Variants in EPG5 observed in about 807,000 individuals in gnomAD.
EPG5 encodes ectopic P-granules 5 autophagy tethering factor, also known as ectopic P granules protein 5 homolog.
In EPG5, 159 loss-of-function variants were observed where a neutral mutation model predicts 302.7. The observed-to-expected ratio is 0.53, with a 90% CI of 0.46 to 0.60. EPG5 has a LOEUF of 0.60. EPG5 is among the 20% of genes least tolerant of loss of function. The probability of loss-of-function intolerance (pLI) is 0.00; values close to 1 mark genes in which losing one functional copy is unlikely to be tolerated. For synonymous variants in EPG5, 1,158 were observed against 1,136.8 expected (o/e 1.02, Z -0.37); for missense variants, 2,896 against 3,092.4 (o/e 0.94, Z 1.51).
chr18:45,934,425 T>TA (rs970764328), intron 11 of EPG5, among the ~76,000 whole-genome samples: 5 of 152,124 alleles, frequency 3.3e-5, no homozygotes, highest in East Asian at 3.8e-4. Context: ...AATACAACTT[T>TA]AAAAAAACAG....
chr18:45,813,673 C>A, the EPG5 span, among the ~76,000 whole-genome samples: 7 of 151,526 alleles, frequency 4.6e-5, no homozygotes, highest in African/African-American at 9.7e-5. Context: ...GGACAAAAAA[C>A]CAAACACTGC....
At chr18:45,962,148 G>A (rs1243556437) in intron 1 of EPG5, among the ~76,000 whole-genome samples, 2 of 152,122 alleles carry the variant, frequency 1.3e-5, no homozygotes, top group Non-Finnish European at 2.9e-5. Context: ...TTTAATAAAT[G>A]AATGGCTTTT....
rs2048420965 is a variant in EPG5, at chr18:45,851,423, A to G, written c.*1044T>C. ...TGTCAACAACAGAAGGCACGTGGCT[A>G]TGGAAAAAAAGCCAAATTTCAGTAG... On this transcript the variant is annotated 3_prime_UTR_variant, in exon 44 of 44. Transcript: ENST00000282041. 6.6e-6 allele frequency: 1 copy of G among 152,328 alleles called. No homozygotes were observed. Among genetic ancestry groups the G allele is most frequent in the East Asian group, 1.9e-4 (1 of 5,186 alleles). 9.4% of individuals were successfully genotyped at this position (152,328 alleles called of 1,614,324 possible). A position where few individuals can be genotyped will look rare whatever the true frequency, so the allele number is the denominator to read the frequency against.
chr18:45,853,465 G>C (rs1205411254), intron 43 of EPG5, among the ~76,000 whole-genome samples: 2 of 152,152 alleles, frequency 1.3e-5, no homozygotes, highest in Non-Finnish European at 2.9e-5. Context: ...TTGATTTTTG[G>C]GGTGAGGAGT....
chr18:45,953,737 T>C, intron 2 of EPG5: 1 of 985,354 alleles, frequency 1.0e-6, no homozygotes, highest in Non-Finnish European at 1.2e-6. Flanking sequence ...GTTAAGAAGG[T>C]GAGTTTCACT....
intron 13 of EPG5, among the ~76,000 whole-genome samples, chr18:45,926,816 G>A (rs202207893): frequency 2.2e-4 from 31 of 142,566 alleles, no homozygotes; most frequent in South Asian, 1.1e-3. Context: ...TGTCTTGGGA[G>A]AAAAAAAAAA....
chr18:45,952,433 G>C lies in EPG5; in HGVS notation c.1219C>G (p.Leu407Val), dbSNP rs745750669. 6.2e-7 allele frequency: 1 copy of C among 1,614,120 alleles called. No individual in the cohort carries two copies. The highest frequency in any genetic ancestry group is 8.5e-7 in the Non-Finnish European group (1 of 1,180,030). Residue 407 changes from leucine to valine, a missense_variant, in exon 3 of 44, where the codon CTG (leucine) becomes GTG (valine). Transcript: ENST00000282041. Reference sequence around the variant, plus strand: ...TGCTGGTGAATTGCTGAAGATCTCAGAACAGCTGAACTACTGAGCAATGCA... The same window carrying C: ...TGCTGGTGAATTGCTGAAGATCTCACAACAGCTGAACTACTGAGCAATGCA... Reference protein sequence around the residue: ...IYALLSSSAVLRSSAIHQQGR... With the variant: ...IYALLSSSAVVRSSAIHQQGR...
chr18:45,966,351 G>C (rs2051259579), intron 1 of EPG5, among the ~76,000 whole-genome samples: 1 of 148,588 alleles, frequency 6.7e-6, no homozygotes, highest in African/African-American at 2.5e-5. Context: ...ACTCCGGCCT[G>C]GGCGACAGAG....
chr18:45,839,207 C>A, the EPG5 span: 1 of 1,290,580 alleles, frequency 7.7e-7, no homozygotes, highest in Non-Finnish European at 9.9e-7. Flanking sequence ...GGTTTTTTTG[C>A]CCTATGCATC....
At chr18:45,930,536 C>T (rs2050375702) in intron 12 of EPG5, 140 bp downstream of exon 12, 3 of 576,340 alleles carry the variant, frequency 5.2e-6, no homozygotes, top group Non-Finnish European at 8.7e-6. Context: ...TAATGTTCCA[C>T]TGATTCTCTA....
chr18:45,838,115 G>A, the EPG5 span, among the ~76,000 whole-genome samples: 1 of 152,228 alleles, frequency 6.6e-6, no homozygotes, highest in Non-Finnish European at 1.5e-5. Context: ...GGCTGAGGTG[G>A]GCCCGGGAAT....
intron 1 of EPG5, among the ~76,000 whole-genome samples, chr18:45,959,847 C>G (rs1286830107): frequency 6.6e-6 from 1 of 152,004 alleles, no homozygotes; most frequent in African/African-American, 2.4e-5. Flanking sequence ...GGCATGGTGG[C>G]AGGTGCCTGT....
chr18:45,834,195 C>T, the EPG5 span, among the ~76,000 whole-genome samples: 1 of 152,170 alleles, frequency 6.6e-6, no homozygotes, highest in East Asian at 1.9e-4. Flanking sequence ...CTGCCTAATA[C>T]ACCCCTACTC....
chr18:45,936,230 A>G (rs2050518299), intron 10 of EPG5, among the ~76,000 whole-genome samples: 1 of 152,216 alleles, frequency 6.6e-6, no homozygotes. Context: ...CCTAACAGCA[A>G]TTTGAGAGCA....
chr18:45,939,627 G>A lies in EPG5; in HGVS notation c.2072C>T (p.Ala691Val). The A allele has an allele frequency of 6.2e-7, 1 of 1,614,122 alleles. No homozygotes were observed. Among genetic ancestry groups the A allele is most frequent in the Non-Finnish European group, 8.5e-7 (1 of 1,180,002 alleles). ...QVEFDELFLRAVLHVLKAKRL... is the reference protein window; with the variant it reads ...QVEFDELFLRVVLHVLKAKRL... ...TTTGGCCTTCAGCACATGTAGGACA[G>A]CCCTCAAAAACAGTTCATCAAATTC... The change falls in exon 10 of 44, where the codon GCT becomes GTT. Residue 691 changes from alanine (A) to valine (V), a missense_variant. By Grantham distance (64) the Ala-to-Val change is moderately conservative (BLOSUM62 0). Transcript: ENST00000282041.
chr18:45,828,319 G>C, the EPG5 span, among the ~76,000 whole-genome samples: 1 of 152,112 alleles, frequency 6.6e-6, no homozygotes, highest in Admixed American at 6.5e-5. Flanking sequence ...CTTCATGCAG[G>C]AGACCCCCAT....
intron 1 of EPG5, 53 bp downstream of exon 1, chr18:45,967,124 C>T: frequency 6.5e-7 from 1 of 1,529,906 alleles, no homozygotes; most frequent in South Asian, 1.2e-5. Context: ...AAGAGAGGAG[C>T]AAGGAGACAC....
Position 45,922,435 on chromosome 18 carries a change from C to CT in EPG5, c.3003dup (p.Glu1002ArgfsTer34), listed in dbSNP as rs1568157871. On this transcript the variant is annotated frameshift_variant, in exon 16 of 44. Coordinates refer to ENST00000282041, the MANE Select transcript of EPG5 (RefSeq NM_020964.3). LOFTEE classifies it high-confidence loss of function. ...AAGAGAGGATGAAACGTGGGTGACTCTGTCATGTCAGGCACAGTGACGGAG... is the reference window on the plus strand; with the variant it reads ...AAGAGAGGATGAAACGTGGGTGACTCTTGTCATGTCAGGCACAGTGACGGAG... 1 of 1,614,220 alleles carries CT rather than the reference C, an allele frequency of 6.2e-7. No individual in the cohort carries two copies. Among genetic ancestry groups the CT allele is most frequent in the Admixed American group, 1.7e-5 (1 of 60,030 alleles).
At chr18:45,841,264 C>T in the EPG5 span, among the ~76,000 whole-genome samples, 4 of 151,816 alleles carry the variant, frequency 2.6e-5, no homozygotes, top group Non-Finnish European at 5.9e-5. Flanking sequence ...CAGGTAGGAG[C>T]GGTGGAGTTC....
Sources: allele counts gnomAD v4.1 joint callset (sites outside exome capture counted in the v4.1 genomes callset), GRCh38; gene constraint gnomAD v4.1.1; transcripts MANE v1.5; gene names NCBI Gene and HGNC (gene_info 2026-07-23, HGNC 2026-07-21).